The following ZC3H18 variants were observed in gnomAD, a reference collection of about 807,000 sequenced individuals.
The protein encoded by ZC3H18 is zinc finger CCCH-type containing 18.
Under a neutral mutation model 106.1 loss-of-function variants are expected in ZC3H18, and 8 were observed. The ratio of observed to expected loss-of-function variants is 0.08; its 90% CI spans 0.04 to 0.14. ZC3H18 has a LOEUF of 0.14. Among genes scored for constraint, ZC3H18 ranks in the 10% least tolerant of loss-of-function variants. ZC3H18 has a pLI of 1.00. For missense variants in ZC3H18, 1,318 were observed against 1,278.4 expected (o/e 1.03, Z -0.47); for synonymous variants, 635 against 522.1 (o/e 1.22, Z -2.95).
At chr16:88,603,668 CGTGGAGTGCAGT>C (rs1904864641) in intron 6 of ZC3H18, among the ~76,000 whole-genome samples, 1 of 146,846 alleles carries the variant, frequency 6.8e-6, no homozygotes, top group Non-Finnish European at 1.5e-5. Flanking sequence ...TGTCGCCCAG[CGTGGAGTGCAGT>C]GGCGCAATCT....
In ZC3H18 at chr16:88,631,167, G is replaced by T. The variant is rs368261410; in HGVS notation, c.2730G>T (p.Ser910=). The change falls in exon 18 of 18, where the codon TCG becomes TCT. Residue 910 remains serine (S), a synonymous_variant. Transcript: ENST00000301011. ...SKVTSVPGKA[S]DPGAASTKSG... ...TCACGAGCGTGCCCGGCAAAGCCTCGGATCCCGGCGCCGCCAGCACCAAAT... is the reference window on the plus strand; with the variant it reads ...TCACGAGCGTGCCCGGCAAAGCCTCTGATCCCGGCGCCGCCAGCACCAAAT... 3 of 1,613,572 alleles carry T rather than the reference G, an allele frequency of 1.9e-6. No homozygotes were observed. Among genetic ancestry groups the T allele is most frequent in the Non-Finnish European group, 2.5e-6 (3 of 1,180,030 alleles).
chr16:88,599,182 A>G (rs2142680408), intron 5 of ZC3H18, among the ~76,000 whole-genome samples: 1 of 152,242 alleles, frequency 6.6e-6, no homozygotes, highest in South Asian at 2.1e-4. Context: ...AGCCACTCAC[A>G]GAAAGCCTGG....
At chr16:88,579,992 T>A (rs1166022623) in intron 2 of ZC3H18, among the ~76,000 whole-genome samples, 4 of 152,120 alleles carry the variant, frequency 2.6e-5, no homozygotes, top group African/African-American at 9.7e-5. Flanking sequence ...AGAGCACATT[T>A]GACTTCAGGC....
chr16:88,630,961 G>A, intron 17 of ZC3H18, 140 bp from the exon 18 acceptor site: 1 of 1,058,724 alleles, frequency 9.4e-7, no homozygotes, highest in Non-Finnish European at 1.4e-6. Flanking sequence ...TGTGGCAGTG[G>A]GAGCCTGGCC....
chr16:88,598,496 C>T, intron 4 of ZC3H18, 124 bp from the exon 5 acceptor site: 1 of 1,449,300 alleles, frequency 6.9e-7, no homozygotes, highest in Non-Finnish European at 9.4e-7. Flanking sequence ...CGGAGTGAGG[C>T]TTGGTGGAAG....
intron 4 of ZC3H18, 134 bp downstream of exon 4, chr16:88,598,460 G>A: frequency 2.0e-6 from 3 of 1,475,444 alleles, no homozygotes; most frequent in Non-Finnish European, 2.8e-6. Context: ...CGTCCCGAGT[G>A]GAAGCAGGCC....
At chr16:88,591,181 A>C (rs1164595006) in intron 3 of ZC3H18, among the ~76,000 whole-genome samples, 2 of 151,760 alleles carry the variant, frequency 1.3e-5, no homozygotes, top group Non-Finnish European at 2.9e-5. Flanking sequence ...TGTGTTAGCC[A>C]GGATGGTCCC....
intron 2 of ZC3H18, among the ~76,000 whole-genome samples, chr16:88,578,948 A>G (rs1234821208): frequency 2.0e-5 from 3 of 152,032 alleles, no homozygotes; most frequent in Non-Finnish European, 4.4e-5. Flanking sequence ...TCAGCCTCCC[A>G]CAGTGCTGGG....
At chr16:88,624,839 A>G in intron 12 of ZC3H18, 94 bp downstream of exon 12, 19 of 1,470,436 alleles carry the variant, frequency 1.3e-5, no homozygotes, top group Non-Finnish European at 1.6e-5. Flanking sequence ...GCCAGGGTCC[A>G]GAGCCAGGTG....
intron 6 of ZC3H18, among the ~76,000 whole-genome samples, chr16:88,600,839 G>A (rs867607427): frequency 6.6e-5 from 10 of 152,224 alleles, no homozygotes; most frequent in Admixed American, 2.6e-4. Flanking sequence ...TGGATGGCAC[G>A]GTGAGGTTCA....
intron 6 of ZC3H18, among the ~76,000 whole-genome samples, chr16:88,602,096 G>C (rs777521326): frequency 6.6e-6 from 1 of 152,234 alleles, no homozygotes; most frequent in Non-Finnish European, 1.5e-5. Context: ...GTCCTGGTGC[G>C]TGCTGTTGGC....
intron 6 of ZC3H18, among the ~76,000 whole-genome samples, chr16:88,607,693 C>T (rs1905080121): frequency 6.6e-6 from 1 of 151,704 alleles, no homozygotes; most frequent in African/African-American, 2.4e-5. Context: ...CGCTTCATGT[C>T]TCTCAGGCGT....
chr16:88,621,247 CAG>C (rs1905940334), intron 8 of ZC3H18, among the ~76,000 whole-genome samples: 1 of 145,274 alleles, frequency 6.9e-6, no homozygotes, highest in Non-Finnish European at 1.5e-5. Flanking sequence ...TTTTTTGAGA[CAG>C]AGTCTCGCTC....
chr16:88,621,869 T>C (rs1280666047), intron 8 of ZC3H18, among the ~76,000 whole-genome samples: 2 of 152,214 alleles, frequency 1.3e-5, no homozygotes, highest in African/African-American at 2.4e-5. Flanking sequence ...ACACCATCCC[T>C]GTCCCTCCTA....
In ZC3H18 at chr16:88,582,911, A is replaced by G. The variant is rs527589135; in HGVS notation, c.604-3689A>G. Among the ~76,000 whole-genome samples the G allele has an allele frequency of 3.2e-4, 48 of 152,290 alleles. 1 individual carries two copies. In the East Asian group the frequency reaches 8.5e-3, roughly 27 times the overall value. ...TGTGTACCTCGCAGGCTACCGTTTT[A>G]GACCCTGTGTTGTCACCTTTCTGAA... On this transcript the variant is annotated intron_variant, in intron 2 of 17. Transcript: ENST00000301011.
Position 88,631,902 on chromosome 16 carries a change from G to A in ZC3H18, c.*603G>A, listed in dbSNP as rs922111834. ...AAAAGGCCAAGGGTGTTGTTGGGGC[G>A]TCTGTCTAATGTGGTGGGTCTTTTT... is the stretch of plus-strand genomic sequence containing the variant. On this transcript the variant is annotated 3_prime_UTR_variant, in exon 18 of 18. Coordinates refer to ENST00000301011, the MANE Select transcript of ZC3H18 (RefSeq NM_144604.4). 17 of 298,960 alleles carry A rather than the reference G, an allele frequency of 5.7e-5. No individual in the cohort carries two copies. The highest frequency in any genetic ancestry group is 2.5e-4 in the African/African-American group (11 of 43,382). 18.5% of individuals were successfully genotyped at this position (298,960 alleles called of 1,614,324 possible). A position where few individuals can be genotyped will look rare whatever the true frequency, so the allele number is the denominator to read the frequency against.
Position 88,631,337 on chromosome 16 carries a change from A to T in ZC3H18, c.*38A>T. On this transcript the variant is annotated 3_prime_UTR_variant, in exon 18 of 18. Coordinates refer to ENST00000301011, the MANE Select transcript of ZC3H18 (RefSeq NM_144604.4). Reference sequence around the variant, plus strand: ...CCGGACTGGACGCATTTTTATACATAGGGTAAGCGCAGCCATTTTGGATTT... The same window carrying T: ...CCGGACTGGACGCATTTTTATACATTGGGTAAGCGCAGCCATTTTGGATTT... The T allele has an allele frequency of 6.4e-7, 1 of 1,552,166 alleles. No individual in the cohort carries two copies. The highest frequency in any genetic ancestry group is 8.7e-7 in the Non-Finnish European group (1 of 1,147,346).
chr16:88,588,773 G>T (rs1488112675), intron 3 of ZC3H18, among the ~76,000 whole-genome samples: 2 of 152,078 alleles, frequency 1.3e-5, no homozygotes, highest in African/African-American at 2.4e-5. Flanking sequence ...CCAGCTACGT[G>T]GGGGGTGGGG....
rs1419074639 is a variant in ZC3H18, at chr16:88,628,005, A to C, written c.2355A>C (p.Pro785=). Residue 785 remains proline, a synonymous_variant, in exon 15 of 18, where the codon CCA becomes CCC. Coordinates refer to ENST00000301011, the MANE Select transcript of ZC3H18 (RefSeq NM_144604.4). ...AACCACCCAAATCTGCAAAACCTCC[A>C]GCAGGGGGGAAGTCCTCCCAGCAGC... is the stretch of plus-strand genomic sequence containing the variant. ...STQPPKSAKP[P]AGGKSSQQPS... is the part of the protein sequence containing the mutation. The C allele has an allele frequency of 1.2e-6, 2 of 1,614,194 alleles. No individual in the cohort carries two copies. The highest frequency in any genetic ancestry group is 2.2e-5 in the South Asian group (2 of 91,092).
Sources: allele counts gnomAD v4.1 joint callset (sites outside exome capture counted in the v4.1 genomes callset), GRCh38; gene constraint gnomAD v4.1.1; transcripts MANE v1.5; gene names NCBI Gene and HGNC (gene_info 2026-07-23, HGNC 2026-07-21).